The following SLC7A11 variants were observed in gnomAD, a reference collection of about 807,000 sequenced individuals.
The protein encoded by SLC7A11 is solute carrier family 7 member 11, also known as cystine/glutamate transporter.
SLC7A11 carries 35 observed loss-of-function variants against 54.5 expected under a neutral mutation model. The ratio of observed to expected loss-of-function variants is 0.64; its 90% confidence interval spans 0.49 to 0.85. SLC7A11 has a LOEUF of 0.85. Among genes scored for constraint, SLC7A11 ranks in the 40% least tolerant of loss-of-function variants. The probability of loss-of-function intolerance (pLI) is 0.00; values close to 1 mark genes in which losing one functional copy is unlikely to be tolerated. For missense variants in SLC7A11, 583 were observed against 618.1 expected, an observed-to-expected ratio of 0.94 and a Z score of 0.60; for synonymous variants, 230 against 225.2, an observed-to-expected ratio of 1.02 and a Z score of -0.19.
intron 3 of SLC7A11, among the ~76,000 whole-genome samples, chr4:138,228,256 T>C (rs1737989717): frequency 6.6e-6 from 1 of 152,044 alleles, no homozygotes; most frequent in Non-Finnish European, 1.5e-5. Context: ...CATCCAACAA[T>C]TGATGGTGTT....
At chr4:138,227,793 T>A (rs1192534636) in intron 3 of SLC7A11, among the ~76,000 whole-genome samples, 1 of 152,212 alleles carries the variant, frequency 6.6e-6, no homozygotes, top group Non-Finnish European at 1.5e-5. Flanking sequence ...AAAGTTCACA[T>A]TTATGTTAGC....
chr4:138,172,950 T>A (rs553970029), intron 11 of SLC7A11, among the ~76,000 whole-genome samples: 1 of 152,200 alleles, frequency 6.6e-6, no homozygotes, highest in South Asian at 2.1e-4. Flanking sequence ...TTCACGCGAT[T>A]CTCCTGCCTC....
At chr4:138,215,112 C>T (rs1312926355) in intron 5 of SLC7A11, among the ~76,000 whole-genome samples, 1 of 152,026 alleles carries the variant, frequency 6.6e-6, no homozygotes. Context: ...GGGTTAGGCA[C>T]AGGAAAATGA....
At chr4:138,209,627 T>C (rs1737500090) in intron 6 of SLC7A11, among the ~76,000 whole-genome samples, 1 of 151,816 alleles carries the variant, frequency 6.6e-6, no homozygotes, top group Non-Finnish European at 1.5e-5. Flanking sequence ...AAGAATGCAA[T>C]CCCATTTACA....
At chr4:138,206,547 AAAAG>A (rs1362365326) in intron 6 of SLC7A11, among the ~76,000 whole-genome samples, 9 of 151,776 alleles carry the variant, frequency 5.9e-5, no homozygotes, top group Admixed American at 4.6e-4. Flanking sequence ...TACAATTAAA[AAAAG>A]AAAGAAAGAA....
chr4:138,226,344 C>G (rs571869024), intron 3 of SLC7A11, among the ~76,000 whole-genome samples: 11 of 152,060 alleles, frequency 7.2e-5, no homozygotes, highest in Non-Finnish European at 1.5e-5. Flanking sequence ...ATACATCACA[C>G]TTTATCAAAC....
In SLC7A11 at chr4:138,168,540, T is replaced by C. The variant is rs1424598833; in HGVS notation, c.*3416A>G. ...TTACAGTTCATGAGGAATTCTGTTA[T>C]GTAATTATACTCTTGTTAACCCTCT... On this transcript the variant is annotated 3_prime_UTR_variant, in exon 12 of 12. Transcript: ENST00000280612. The C allele has an allele frequency of 6.6e-6, 1 of 152,232 alleles. No homozygotes were observed. The highest frequency in any genetic ancestry group is 6.6e-5 in the Admixed American group (1 of 15,266). The allele number at this position is 152,232 out of a possible 1,614,324, so 9.4% of individuals were successfully genotyped here. A position where few individuals can be genotyped will look rare whatever the true frequency, so the allele number is the denominator to read the frequency against.
chr4:138,225,398 A>G (rs994050764), intron 3 of SLC7A11, among the ~76,000 whole-genome samples: 9 of 151,918 alleles, frequency 5.9e-5, no homozygotes, highest in African/African-American at 2.2e-4. Context: ...AGAATGATCA[A>G]AAAGGCCAAA....
rs936309333 is a variant in SLC7A11 at position 138,188,502 on chromosome 4, C to T, written c.792-3258G>A. Among the ~76,000 whole-genome samples, 3 of 152,224 alleles carry T rather than the reference C, an allele frequency of 2.0e-5. No individual in the cohort carries two copies. In the South Asian group the frequency reaches 6.2e-4, roughly 32 times the overall value. On this transcript the variant is annotated intron_variant, in intron 6 of 11. Transcript: ENST00000280612. ...CTCTTGGCTGTTTTGGCATAAACAGCCATTATTGACAGAGGAGAGCAGTTG... is the reference window on the plus strand; with the variant it reads ...CTCTTGGCTGTTTTGGCATAAACAGTCATTATTGACAGAGGAGAGCAGTTG...
chr4:138,196,699 A>AC (rs1166518947), intron 6 of SLC7A11, among the ~76,000 whole-genome samples: 2 of 151,946 alleles, frequency 1.3e-5, no homozygotes, highest in Non-Finnish European at 2.9e-5. Flanking sequence ...CACTCTTGTC[A>AC]CCCGGGCGGG....
chr4:138,204,349 T>C (rs1266401777), intron 6 of SLC7A11, among the ~76,000 whole-genome samples: 4 of 152,068 alleles, frequency 2.6e-5, no homozygotes, highest in African/African-American at 7.2e-5. Context: ...TCTGAGGTGC[T>C]ACTTTTACGC....
At chr4:138,233,990 C>T (rs1005755704) in intron 2 of SLC7A11, among the ~76,000 whole-genome samples, 1 of 152,174 alleles carries the variant, frequency 6.6e-6, no homozygotes, top group African/African-American at 2.4e-5. Context: ...GGCCAGATCT[C>T]TTGGAGTATA....
chr4:138,223,459 T>C (rs1323973703), intron 3 of SLC7A11, 135 bp from the exon 4 acceptor site: 1 of 876,444 alleles, frequency 1.1e-6, no homozygotes, highest in Non-Finnish European at 1.7e-6. Flanking sequence ...AAATGCAGAA[T>C]CTCAGGCTCT....
chr4:138,234,755 T>A (rs1229014908), intron 2 of SLC7A11, among the ~76,000 whole-genome samples: 1 of 152,234 alleles, frequency 6.6e-6, no homozygotes, highest in Non-Finnish European at 1.5e-5. Context: ...GGAATGATCA[T>A]GTTCATCATA....
chr4:138,216,071 T>G (rs1737672735), intron 5 of SLC7A11, among the ~76,000 whole-genome samples: 1 of 152,318 alleles, frequency 6.6e-6, no homozygotes, highest in East Asian at 1.9e-4. Flanking sequence ...AATCCACCTT[T>G]ACGTTCTAGT....
rs997652401 is a variant in SLC7A11 at position 138,179,519 on chromosome 4, A to G, written c.1267-125T>C. 45 of 732,026 alleles carry G rather than the reference A, an allele frequency of 6.1e-5. No homozygotes were observed. The African/African-American group carries it at 7.6e-4, about 12-fold the overall frequency. The allele number at this position is 732,026 out of a possible 1,614,324, so 45.3% of individuals were successfully genotyped here. ...TGCTGTAGTCATGCGACCAGGTAACAGGCACCAACGTGCCTTAGTAGCAAA... is the reference window on the plus strand; with the variant it reads ...TGCTGTAGTCATGCGACCAGGTAACGGGCACCAACGTGCCTTAGTAGCAAA... On this transcript the variant is annotated intron_variant, in intron 10 of 11. Transcript: ENST00000280612.
At chr4:138,206,618 C>A (rs559757158) in intron 6 of SLC7A11, among the ~76,000 whole-genome samples, 4 of 151,774 alleles carry the variant, frequency 2.6e-5, no homozygotes, top group African/African-American at 7.3e-5. Context: ...TCTTTGATTA[C>A]CCCATGATAA....
chr4:138,236,387 AAT>A lies in SLC7A11; in HGVS notation c.340_341del (p.Ile114PhefsTer45). On this transcript the variant is annotated frameshift_variant, in exon 2 of 12. Coordinates refer to ENST00000280612, the MANE Select transcript of SLC7A11 (RefSeq NM_014331.4). LOFTEE classifies it high-confidence loss of function. ...IKKSGGHYTY[I>X]LEVFGPLPAF... ...CTGGTAATGGACCAAAGACTTCCAA[AAT>A]ATATGTGTAATGACCTCCAGATTTC... 1 of 1,613,472 alleles carries A rather than the reference AAT, an allele frequency of 6.2e-7. No homozygotes were observed. Among genetic ancestry groups the A allele is most frequent in the Non-Finnish European group, 8.5e-7 (1 of 1,179,536 alleles).
chr4:138,229,343 TACAG>T lies in SLC7A11; in HGVS notation c.520+2920_520+2923del, dbSNP rs1272284620. ...TGCACCATTAAAGCTAAATTTTTCT[TACAG>T]ACAGTTTGACTTTCCCAATTAGGGC... is the stretch of plus-strand genomic sequence containing the variant. On this transcript the variant is annotated intron_variant, in intron 3 of 11. Transcript: ENST00000280612. 6.6e-5 allele frequency among the ~76,000 whole-genome samples: 10 copies of T among 152,326 alleles called. No homozygotes were observed. In the East Asian group the frequency reaches 1.2e-3, roughly 18 times the overall value.
Sources: gnomAD v4.1 joint callset for allele counts (sites outside exome capture counted in the v4.1 genomes callset) on GRCh38, gnomAD v4.1.1 for gene constraint, MANE v1.5 for transcripts, NCBI Gene and HGNC (gene_info 2026-07-23, HGNC 2026-07-21) for gene names.